Variants in CEP72 observed in about 807,000 individuals in gnomAD.
CEP72 encodes centrosomal protein 72, also known as centrosomal protein of 72 kDa.
In CEP72, 78 loss-of-function variants were observed where a neutral mutation model predicts 65.7. The observed-to-expected ratio is 1.19, with a 90% CI of 0.99 to 1.43. The LOEUF (loss-of-function observed/expected upper bound fraction) is 1.43. Among genes scored for constraint, CEP72 ranks in the 40% most tolerant of loss-of-function variants. The pLI, the probability that CEP72 is intolerant of heterozygous loss-of-function variation, is 0.00. For synonymous variants in CEP72, 358 were observed against 351.7 expected (o/e 1.02, Z -0.20); for missense variants, 914 against 832.9 (o/e 1.10, Z -1.20).
At chr5:646,434 T>A (rs1024127035) in intron 10 of CEP72, among the ~76,000 whole-genome samples, 1 of 152,242 alleles carries the variant, frequency 6.6e-6, no homozygotes, top group South Asian at 2.1e-4. Flanking sequence ...AAATTGTGCT[T>A]CTGGATTTCA....
intron 3 of CEP72, chr5:665,924 GCCC>G: frequency 4.1e-5 from 2 of 48,216 alleles, no homozygotes; most frequent in Non-Finnish European, 6.1e-5. Flanking sequence ...TCCAGGCCCC[GCCC>G]CCACCCCCTC....
At chr5:632,906 G>A (rs1209306296) in intron 4 of CEP72, among the ~76,000 whole-genome samples, 2 of 107,600 alleles carry the variant, frequency 1.9e-5, no homozygotes, top group Non-Finnish European at 3.7e-5. Context: ...GTTCTGGTGG[G>A]GTTCTGTCCA....
chr5:650,801 GGACTGTGAGGTGT>G (rs1373686801), intron 11 of CEP72, among the ~76,000 whole-genome samples: 4 of 53,672 alleles, frequency 7.5e-5, no homozygotes, highest in Non-Finnish European at 3.1e-5. Flanking sequence ...TGTGAGGCGT[GGACTGTGAGGTGT>G]GACTGTGAGG....
chr5:643,356 C>T (rs547077594), intron 9 of CEP72: 543 of 985,472 alleles, frequency 5.5e-4, no homozygotes, highest in Non-Finnish European at 6.2e-4. Flanking sequence ...CTGGTTGGCG[C>T]CACTGCAGCA....
downstream of CEP72, among the ~76,000 whole-genome samples, chr5:658,372 G>A (rs1561071960): frequency 6.6e-6 from 1 of 152,192 alleles, no homozygotes; most frequent in Non-Finnish European, 1.5e-5. Flanking sequence ...GCTGTTCAGG[G>A]GCATTCCTCA....
In CEP72 at chr5:633,811, G is replaced by C; in HGVS notation, c.555G>C (p.Lys185Asn). The C allele has an allele frequency of 6.2e-7, 1 of 1,614,098 alleles. No individual in the cohort carries two copies. The highest frequency in any genetic ancestry group is 8.5e-7 in the Non-Finnish European group (1 of 1,180,040). Reference sequence around the variant, plus strand: ...CCAAGTGCACCGAGGCCTTGGCCAAGCAGAGCCTGGTCATGGATGCGGATG... The same window carrying C: ...CCAAGTGCACCGAGGCCTTGGCCAACCAGAGCCTGGTCATGGATGCGGATG... ...PRAKCTEALA[K>N]QSLVMDADDE... Residue 185 changes from lysine (K) to asparagine (N), a missense_variant, in exon 5 of 12, where the codon AAG becomes AAC. Coordinates refer to ENST00000264935, the MANE Select transcript of CEP72 (RefSeq NM_018140.4).
chr5:667,854 G>C (rs58811955), downstream of CEP72, among the ~76,000 whole-genome samples: 26,849 of 71,122 alleles, frequency 0.38, 4,019 homozygotes, highest in African/African-American at 0.55. Flanking sequence ...CCGCGTGGGC[G>C]CCGTCAGGGA....
chr5:646,888 G>A (rs1245059288), intron 10 of CEP72, among the ~76,000 whole-genome samples: 1 of 152,230 alleles, frequency 6.6e-6, no homozygotes, highest in Non-Finnish European at 1.5e-5. Flanking sequence ...AGCCTCTTGT[G>A]TTTGGGGTCC....
At position 623,817 on chromosome 5, in the gene CEP72, G is replaced by A. The variant is rs932045770; in HGVS notation, c.404-654G>A. ...TTTTCTGCTTTGAACATTATATTAT[G>A]CTATTACTCACTCATTTCTTACAGT... is the stretch of plus-strand genomic sequence containing the variant. On this transcript the variant is annotated intron_variant, in intron 3 of 11. Transcript: ENST00000264935. This position sits in a 1 kb window ranked among gnomAD's most constrained non-coding sequence, Gnocchi z 5.3. Among the ~76,000 whole-genome samples the A allele has an allele frequency of 8.5e-5, 13 of 152,146 alleles. No individual in the cohort carries two copies. The highest frequency in any genetic ancestry group is 2.4e-4 in the African/African-American group (10 of 41,414).
At chr5:673,482 C>A in the CEP72 span, among the ~76,000 whole-genome samples, 1 of 152,072 alleles carries the variant, frequency 6.6e-6, no homozygotes, top group African/African-American at 2.4e-5. Flanking sequence ...AGGTCAGAAT[C>A]CCTTGGCCTC....
Position 612,375 on chromosome 5 carries a change from G to T in CEP72, c.14G>T (p.Gly5Val). The T allele has an allele frequency of 1.3e-6, 2 of 1,491,172 alleles. No individual in the cohort carries two copies. The highest frequency in any genetic ancestry group is 8.9e-7 in the Non-Finnish European group (1 of 1,125,640). 92.4% of individuals were successfully genotyped at this position (1,491,172 alleles called of 1,614,324 possible). A position where few individuals can be genotyped will look rare whatever the true frequency, so the allele number is the denominator to read the frequency against. MARAGPRLVLSEEAV... is the reference protein window; with the variant it reads MARAVPRLVLSEEAV... ...TCCGTTTGAAACATGGCGCGGGCTG[G>T]CCCTCGGCTGGTGCTGAGCGAGGAG... is the stretch of plus-strand genomic sequence containing the variant. Residue 5 changes from glycine (G) to valine (V), a missense_variant, in exon 1 of 12, where the codon GGC (glycine) becomes GTC (valine). By Grantham distance (109) the Gly-to-Val change is moderately radical (BLOSUM62 -3). Transcript: ENST00000264935.
intron 9 of CEP72, chr5:641,962 G>A (rs1438468955): frequency 5.5e-6 from 5 of 906,376 alleles, no homozygotes; most frequent in Admixed American, 7.8e-5. Flanking sequence ...TTGAACACAC[G>A]TGGTCCCCCG....
At chr5:650,413 T>G (rs1259438478) in intron 11 of CEP72, among the ~76,000 whole-genome samples, 1 of 44,552 alleles carries the variant, frequency 2.2e-5, no homozygotes, top group African/African-American at 1.3e-4. Context: ...TGACTGTGGG[T>G]GTGAGGTGTG....
chr5:617,434 G>A (rs1378054316), intron 1 of CEP72, among the ~76,000 whole-genome samples: 1 of 152,172 alleles, frequency 6.6e-6, no homozygotes, highest in African/African-American at 2.4e-5. Flanking sequence ...TTGGGAGGCC[G>A]AGGTGGATGG....
downstream of CEP72, among the ~76,000 whole-genome samples, chr5:668,962 A>C (rs1224264726): frequency 6.6e-6 from 1 of 152,178 alleles, no homozygotes; most frequent in Non-Finnish European, 1.5e-5. Context: ...TGCTGTGTTT[A>C]AACAGCACCT....
intron 1 of CEP72, among the ~76,000 whole-genome samples, chr5:613,793 G>C (rs190314973): frequency 6.6e-6 from 1 of 152,338 alleles, no homozygotes; most frequent in Admixed American, 6.5e-5. Context: ...ATCCGCTTGC[G>C]GGGCCCTTTA....
At position 653,038 on chromosome 5, in the gene CEP72, G is replaced by T. The variant is rs369034431; in HGVS notation, c.1829G>T (p.Arg610Leu). 22 of 1,613,676 alleles carry T rather than the reference G, an allele frequency of 1.4e-5. 1 individual carries two copies. The highest frequency in any genetic ancestry group is 1.7e-4 in the Middle Eastern group (1 of 6,052). ...CTGCTGCAGGAGCTGAGCCAGGTGC[G>T]GGCGCAGCACAGAGCCGAGGTGGAG... ...EHLLQELSQV[R>L]AQHRAEVEQM... The change falls in exon 12 of 12, where the codon CGG becomes CTG. Residue 610 changes from arginine (R) to leucine (L), a missense_variant. By Grantham distance (102) the Arg-to-Leu change is moderately radical (BLOSUM62 -2). Transcript: ENST00000264935.
chr5:669,149 A>AG, downstream of CEP72, among the ~76,000 whole-genome samples: 11 of 152,238 alleles, frequency 7.2e-5, 4 homozygotes, highest in Admixed American at 7.2e-4. Context: ...CTGTGTCCGG[A>AG]GGGGGCTTTG....
In CEP72 at chr5:640,513, C is replaced by T; in HGVS notation, c.1448C>T (p.Ser483Phe). Residue 483 changes from serine to phenylalanine, a missense_variant, in exon 9 of 12, where the codon TCC (serine) becomes TTC (phenylalanine). Transcript: ENST00000264935. ...DVGSLALESK[S>F]LQSRLAEQQQ... ...GGCTCCCTGGCTCTGGAGAGTAAGTCCCTGCAAAGCCGCCTTGCTGAGCAG... is the reference window on the plus strand; with the variant it reads ...GGCTCCCTGGCTCTGGAGAGTAAGTTCCTGCAAAGCCGCCTTGCTGAGCAG... 6.2e-7 allele frequency: 1 copy of T among 1,614,200 alleles called. No homozygotes were observed. Among genetic ancestry groups the T allele is most frequent in the Non-Finnish European group, 8.5e-7 (1 of 1,180,038 alleles).
Sources: gnomAD v4.1 joint callset for allele counts (sites outside exome capture counted in the v4.1 genomes callset) on GRCh38, gnomAD v4.1.1 for gene constraint, Gnocchi (gnomAD v3.1) non-coding constraint, MANE v1.5 for transcripts, NCBI Gene and HGNC (gene_info 2026-07-23, HGNC 2026-07-21) for gene names.